The following MCU variants were observed in gnomAD, a reference collection of about 807,000 sequenced individuals.
MCU encodes the protein calcium uniporter protein, mitochondrial.
Under a neutral mutation model 45.2 loss-of-function variants are expected in MCU, and 12 were observed. That is an observed-to-expected ratio of 0.27 (90% CI 0.17 to 0.43). The LOEUF (loss-of-function observed/expected upper bound fraction) is 0.43, where lower values mean the gene tolerates loss of function less well. Among genes scored for constraint, MCU ranks in the 20% least tolerant of loss-of-function variants. The probability of loss-of-function intolerance (pLI) is 1.00; values close to 1 mark genes in which losing one functional copy is unlikely to be tolerated. For synonymous variants in MCU, 160 were observed against 165.1 expected (o/e 0.97, Z 0.24); for missense variants, 324 against 436.7 (o/e 0.74, Z 2.30).
Position 72,886,097 on chromosome 10 carries a change from A to G in MCU, c.*275A>G, listed in dbSNP as rs1442541373. 1 of 303,142 alleles carries G rather than the reference A, an allele frequency of 3.3e-6. No individual in the cohort carries two copies. The highest frequency in any genetic ancestry group is 6.4e-5 in the East Asian group (1 of 15,542). 18.8% of individuals were successfully genotyped at this position (303,142 alleles called of 1,614,324 possible). On this transcript the variant is annotated 3_prime_UTR_variant, in exon 8 of 8. Coordinates refer to ENST00000373053, the MANE Select transcript of MCU (RefSeq NM_138357.3). Reference sequence around the variant, plus strand: ...ATGCAGTTATATAGTTGAGAGATTCATAAAGAGAAAACAATGCTGGGGGTG... The same window carrying G: ...ATGCAGTTATATAGTTGAGAGATTCGTAAAGAGAAAACAATGCTGGGGGTG...
intron 1 of MCU, among the ~76,000 whole-genome samples, chr10:72,699,051 G>GC (rs1430899354): frequency 6.6e-6 from 1 of 152,118 alleles, no homozygotes; most frequent in Non-Finnish European, 1.5e-5. Flanking sequence ...CAGTCCTCCT[G>GC]CCTTGGCCTC....
intron 1 of MCU, among the ~76,000 whole-genome samples, chr10:72,779,077 C>T (rs1265083020): frequency 6.6e-6 from 1 of 152,046 alleles, no homozygotes; most frequent in Non-Finnish European, 1.5e-5. Context: ...TCAAGTGATT[C>T]CTCTGCCTCA....
At chr10:72,858,315 G>C (rs571396065) in intron 2 of MCU, among the ~76,000 whole-genome samples, 2 of 152,288 alleles carry the variant, frequency 1.3e-5, no homozygotes, top group South Asian at 4.1e-4. Flanking sequence ...ATGATCTGAG[G>C]GTGGAGTTTT....
intron 2 of MCU, among the ~76,000 whole-genome samples, chr10:72,845,074 T>C (rs930099657): frequency 1.3e-5 from 2 of 152,154 alleles, no homozygotes; most frequent in Non-Finnish European, 2.9e-5. Flanking sequence ...AAAACTATAA[T>C]AATCAAAACA....
chr10:72,726,274 T>G (rs1843100820), intron 1 of MCU, among the ~76,000 whole-genome samples: 1 of 150,544 alleles, frequency 6.6e-6, no homozygotes, highest in Non-Finnish European at 1.5e-5. Context: ...TGTGTGTGTG[T>G]GTGTGTGTGT....
At chr10:72,782,766 C>G (rs1844014755) in intron 1 of MCU, among the ~76,000 whole-genome samples, 1 of 152,166 alleles carries the variant, frequency 6.6e-6, no homozygotes, top group African/African-American at 2.4e-5. Context: ...GTGTCTAGTT[C>G]CTCTCACTAG....
chr10:72,731,632 C>T (rs1342463394), intron 1 of MCU, among the ~76,000 whole-genome samples: 1 of 151,994 alleles, frequency 6.6e-6, no homozygotes, highest in East Asian at 1.9e-4. Flanking sequence ...TTCCCCTCTA[C>T]ACCTGTGGCC....
chr10:72,818,501 T>C (rs1316346266), intron 1 of MCU, among the ~76,000 whole-genome samples: 2 of 152,302 alleles, frequency 1.3e-5, no homozygotes, highest in Non-Finnish European at 1.5e-5. Context: ...GTGAATTGTT[T>C]AGTAGCATTG....
At chr10:72,854,608 A>G (rs1049595772) in intron 2 of MCU, among the ~76,000 whole-genome samples, 5 of 152,242 alleles carry the variant, frequency 3.3e-5, no homozygotes, top group African/African-American at 1.2e-4. Context: ...ATAGAGCAGA[A>G]TTCAGCAAAC....
intron 2 of MCU, among the ~76,000 whole-genome samples, chr10:72,839,037 T>C (rs931436314): frequency 1.3e-5 from 2 of 151,904 alleles, no homozygotes; most frequent in Admixed American, 6.6e-5. Context: ...TCACCCAGGC[T>C]GGAGTGCAGT....
intron 2 of MCU, among the ~76,000 whole-genome samples, chr10:72,858,378 C>T (rs1325764313): frequency 6.6e-6 from 1 of 152,160 alleles, no homozygotes; most frequent in African/African-American, 2.4e-5. Context: ...CCTCACTGCG[C>T]ATTCTCTGTA....
intron 6 of MCU, among the ~76,000 whole-genome samples, chr10:72,873,508 G>C (rs1845577810): frequency 6.6e-6 from 1 of 152,112 alleles, no homozygotes; most frequent in South Asian, 2.1e-4. Flanking sequence ...TATAAATCCT[G>C]TGTCATATGA....
chr10:72,873,706 A>C (rs1845581126), intron 6 of MCU, among the ~76,000 whole-genome samples: 1 of 152,112 alleles, frequency 6.6e-6, no homozygotes, highest in South Asian at 2.1e-4. Flanking sequence ...AGGTTTCCCC[A>C]ATGTTTTCTT....
intron 2 of MCU, among the ~76,000 whole-genome samples, chr10:72,837,214 G>A (rs1391209959): frequency 2.7e-5 from 4 of 149,274 alleles, no homozygotes; most frequent in African/African-American, 4.9e-5. Context: ...TTTTGGTATC[G>A]TAAATACTTA....
chr10:72,745,487 C>T (rs1269757381), intron 1 of MCU, among the ~76,000 whole-genome samples: 1 of 152,148 alleles, frequency 6.6e-6, no homozygotes, highest in Non-Finnish European at 1.5e-5. Context: ...CCTTGGCCTC[C>T]CAAAGTGCTG....
intron 1 of MCU, among the ~76,000 whole-genome samples, chr10:72,771,549 T>C (rs1247485543): frequency 6.6e-6 from 1 of 152,188 alleles, no homozygotes; most frequent in East Asian, 1.9e-4. Flanking sequence ...CTGCCTTCAT[T>C]TTTAAAGTCC....
intron 1 of MCU, among the ~76,000 whole-genome samples, chr10:72,786,478 C>G (rs1376270790): frequency 2.0e-5 from 3 of 152,162 alleles, no homozygotes; most frequent in Non-Finnish European, 4.4e-5. Context: ...GGTGCCATGG[C>G]TCTTTCCTAT....
intron 7 of MCU, among the ~76,000 whole-genome samples, chr10:72,885,256 C>A (rs571009461): frequency 6.6e-6 from 1 of 152,200 alleles, no homozygotes; most frequent in African/African-American, 2.4e-5. Context: ...CAGCTCCTCC[C>A]GGGTGAAGTC....
chr10:72,749,113 G>GA (rs368602725), intron 1 of MCU, among the ~76,000 whole-genome samples: 70 of 147,170 alleles, frequency 4.8e-4, no homozygotes, highest in African/African-American at 1.2e-3. Context: ...CCCAATAATT[G>GA]AAAAAAAAAA....
Sources: allele counts gnomAD v4.1 joint callset (sites outside exome capture counted in the v4.1 genomes callset), GRCh38; gene constraint gnomAD v4.1.1; transcripts MANE v1.5; gene names NCBI Gene and HGNC (gene_info 2026-07-23, HGNC 2026-07-21).